COL22A1: variants seen among roughly 807,000 people sequenced by gnomAD.
COL22A1 encodes collagen alpha-1(XXII) chain.
In COL22A1, 221 loss-of-function variants were observed where a neutral mutation model predicts 248.9. That is an observed-to-expected ratio of 0.89 (90% confidence interval 0.80 to 0.99). COL22A1 has a LOEUF of 0.99. Among genes scored for constraint, COL22A1 ranks in the 50% least tolerant of loss-of-function variants. COL22A1 has a pLI of 0.00. For missense variants in COL22A1, 2,240 were observed against 2,179.0 expected (o/e 1.03, Z -0.56); for synonymous variants, 891 against 793.4 (o/e 1.12, Z -2.07).
At chr8:138,648,667 A>G (rs1260518687) in intron 46 of COL22A1, among the ~76,000 whole-genome samples, 1 of 152,058 alleles carries the variant, frequency 6.6e-6, no homozygotes, top group Non-Finnish European at 1.5e-5. Flanking sequence ...TCAGCAAGGA[A>G]GATCCACCAC....
intron 1 of COL22A1, among the ~76,000 whole-genome samples, chr8:138,909,375 C>CTTTTTTT (rs57916926): frequency 2.1e-5 from 3 of 142,646 alleles, no homozygotes; most frequent in African/African-American, 5.1e-5. Context: ...GCTGACTTGC[C>CTTTTTTT]TTTTTTTTTT....
At chr8:138,815,157 C>G (rs1175925931) in intron 7 of COL22A1, among the ~76,000 whole-genome samples, 4 of 152,222 alleles carry the variant, frequency 2.6e-5, no homozygotes, top group Non-Finnish European at 4.4e-5. Flanking sequence ...CCATTTGGAA[C>G]TGAGTCAATT....
intron 45 of COL22A1, among the ~76,000 whole-genome samples, chr8:138,654,772 C>G (rs1823076704): frequency 1.3e-5 from 2 of 152,218 alleles, no homozygotes; most frequent in Admixed American, 1.3e-4. Context: ...GCAACTTAGC[C>G]TTCGGGTGTA....
rs775900271 is a variant in COL22A1, at chr8:138,775,996, T to A, written c.1773A>T (p.Glu591Asp). The stretch of plus-strand genomic sequence containing the variant: ...CTCCTCGAGTTCCCTTTTCACCTCG[T>A]TCTCCTTGGAGACCCTGGGGGACAA... ...GRVGAPGLQG[E>D]RGEKGTRGEK... is the part of the protein sequence containing the mutation. The change falls in exon 16 of 65, where the codon GAA becomes GAT. Residue 591 changes from glutamate (E) to aspartate (D), a missense_variant. Glu to Asp is a conservative substitution (Grantham distance 45). Coordinates refer to ENST00000303045, the MANE Select transcript of COL22A1 (RefSeq NM_152888.3). 2 of 1,614,136 alleles carry A rather than the reference T, an allele frequency of 1.2e-6. No homozygotes were observed. Among genetic ancestry groups the A allele is most frequent in the South Asian group, 2.2e-5 (2 of 91,078 alleles).
chr8:138,793,523 T>C (rs966999784), intron 12 of COL22A1, among the ~76,000 whole-genome samples: 32 of 152,204 alleles, frequency 2.1e-4, no homozygotes. Context: ...ACAGCTAATA[T>C]GTGGCGGAAT....
chr8:138,871,248 T>A (rs577948268), intron 3 of COL22A1, among the ~76,000 whole-genome samples: 2 of 152,260 alleles, frequency 1.3e-5, no homozygotes, highest in East Asian at 3.9e-4. Context: ...GTAGGCCCTC[T>A]TCCCGCTGAG....
intron 3 of COL22A1, among the ~76,000 whole-genome samples, chr8:138,851,996 G>A (rs1821677421): frequency 6.6e-6 from 1 of 152,052 alleles, no homozygotes; most frequent in Admixed American, 6.6e-5. Context: ...TGGAGGTGTT[G>A]GATGTCTCTA....
chr8:138,767,875 T>A (rs1468269249), intron 16 of COL22A1, among the ~76,000 whole-genome samples: 2 of 152,242 alleles, frequency 1.3e-5, no homozygotes, highest in Non-Finnish European at 2.9e-5. Context: ...ATCAGCACAT[T>A]CAGTGTGGGA....
At chr8:138,723,202 C>T (rs1830035103) in intron 25 of COL22A1, among the ~76,000 whole-genome samples, 2 of 152,232 alleles carry the variant, frequency 1.3e-5, no homozygotes, top group South Asian at 4.1e-4. Context: ...TTTTTTATAA[C>T]CCTGGTGATT....
chr8:138,843,106 G>T (rs1441138055), intron 4 of COL22A1, among the ~76,000 whole-genome samples: 2 of 152,172 alleles, frequency 1.3e-5, no homozygotes, highest in Non-Finnish European at 2.9e-5. Context: ...GTTAGGAGCT[G>T]CTCCTGGGGG....
chr8:138,867,819 T>G lies in COL22A1; in HGVS notation c.658+9931A>C, dbSNP rs114511184. ...GTCCTACTCTGTCGCCAGACTGGAG[T>G]TCAGTGGCACGATCTCGGCTCACTG... On this transcript the variant is annotated intron_variant, in intron 3 of 64. Coordinates refer to ENST00000303045, the MANE Select transcript of COL22A1 (RefSeq NM_152888.3). Among the ~76,000 whole-genome samples the G allele has an allele frequency of 7.6e-3, 1,156 of 152,314 alleles. 16 individuals carry two copies. Among genetic ancestry groups the G allele is most frequent in the African/African-American group, 0.027 (1,105 of 41,562 alleles).
At chr8:138,714,222 A>G (rs930562714) in intron 30 of COL22A1, among the ~76,000 whole-genome samples, 3 of 152,140 alleles carry the variant, frequency 2.0e-5, no homozygotes, top group Non-Finnish European at 4.4e-5. Context: ...GTGGTTCTGT[A>G]GGTTAGGCGT....
At chr8:138,647,514 G>A (rs57777291) in intron 46 of COL22A1, among the ~76,000 whole-genome samples, 11,338 of 152,282 alleles carry the variant, frequency 0.074, 552 homozygotes, top group African/African-American at 0.13. Context: ...TCTCATTTGT[G>A]TGTGCGTGTT....
At chr8:138,680,422 G>A (rs1482987353) in intron 39 of COL22A1, among the ~76,000 whole-genome samples, 1 of 152,164 alleles carries the variant, frequency 6.6e-6, no homozygotes, top group Non-Finnish European at 1.5e-5. Flanking sequence ...GCTGAGCTGG[G>A]ATTCTAACCC....
chr8:138,799,609 C>G (rs916615567), intron 11 of COL22A1, among the ~76,000 whole-genome samples: 2 of 152,086 alleles, frequency 1.3e-5, no homozygotes, highest in African/African-American at 4.8e-5. Flanking sequence ...CCCAGGATGA[C>G]GATGGTTTTA....
At chr8:138,847,491 TG>T (rs1386952773) in intron 3 of COL22A1, among the ~76,000 whole-genome samples, 1 of 152,226 alleles carries the variant, frequency 6.6e-6, no homozygotes, top group African/African-American at 2.4e-5. Context: ...ACACTGTAGC[TG>T]TTTGGTCTAA....
At position 138,826,684 on chromosome 8, in the gene COL22A1, C is replaced by A. The variant is rs147583696; in HGVS notation, c.943G>T (p.Val315Phe). The stretch of plus-strand genomic sequence containing the variant: ...TGTGGGATGCTGTACTGGTCGATGA[C>A]CTGCCAGATATACCAGTCTTCCTTC... Reference protein sequence around the residue: ...SRKEDWYIWQVIDQYSIPQVS... With the variant: ...SRKEDWYIWQFIDQYSIPQVS... The change falls in exon 6 of 65, where the codon GTC becomes TTC. Residue 315 changes from valine to phenylalanine, a missense_variant. Coordinates refer to ENST00000303045, the MANE Select transcript of COL22A1 (RefSeq NM_152888.3). The A allele has an allele frequency of 1.3e-5, 21 of 1,613,794 alleles. No individual in the cohort carries two copies. Among genetic ancestry groups the A allele is most frequent in the African/African-American group, 2.7e-5 (2 of 74,864 alleles).
intron 3 of COL22A1, among the ~76,000 whole-genome samples, chr8:138,870,345 G>T (rs1326764246): frequency 6.6e-6 from 1 of 151,862 alleles, no homozygotes; most frequent in East Asian, 1.9e-4. Context: ...TATATGTGTG[G>T]TGTGTAGTGT....
chr8:138,809,578 T>C (rs1332750486), intron 9 of COL22A1, among the ~76,000 whole-genome samples: 3 of 147,736 alleles, frequency 2.0e-5, no homozygotes, highest in Non-Finnish European at 4.5e-5. Flanking sequence ...TGGAGTGCAA[T>C]AGCACGATCT....
Sources: gnomAD v4.1 joint callset for allele counts (sites outside exome capture counted in the v4.1 genomes callset) on GRCh38, gnomAD v4.1.1 for gene constraint, MANE v1.5 for transcripts, NCBI Gene and HGNC (gene_info 2026-07-23, HGNC 2026-07-21) for gene names.